ATG7: variants seen among roughly 807,000 people sequenced by gnomAD.
ATG7 encodes ubiquitin-like modifier-activating enzyme ATG7.
ATG7 carries 70 observed loss-of-function variants against 82.4 expected under a neutral mutation model. The ratio of observed to expected loss-of-function variants is 0.85; its 90% CI spans 0.70 to 1.04. The LOEUF is 1.04. Among genes scored for constraint, ATG7 ranks in the 50% least tolerant of loss-of-function variants. The pLI is 0.00. For synonymous variants in ATG7, 287 were observed against 313.0 expected (o/e 0.92, Z 0.88); for missense variants, 792 against 864.3 (o/e 0.92, Z 1.05).
chr3:11,527,069 G>A (rs199650130), intron 20 of ATG7, among the ~76,000 whole-genome samples: 3,760 of 118,000 alleles, frequency 0.032, 66 homozygotes, highest in Middle Eastern at 0.083. Flanking sequence ...GTGTGTGTGT[G>A]TGTATATATA....
chr3:11,545,005 G>A (rs2071153433), intron 20 of ATG7, among the ~76,000 whole-genome samples: 2 of 152,212 alleles, frequency 1.3e-5, no homozygotes, highest in Admixed American at 6.5e-5. Flanking sequence ...GGCCAGCAGG[G>A]AAGTCGCTGC....
At chr3:11,406,428 A>G (rs2080345508) in intron 19 of ATG7, among the ~76,000 whole-genome samples, 1 of 151,866 alleles carries the variant, frequency 6.6e-6, no homozygotes, top group African/African-American at 2.4e-5. Flanking sequence ...TCAGTCCCCC[A>G]CCAAGTTACT....
intron 3 of ATG7, among the ~76,000 whole-genome samples, chr3:11,295,067 G>A (rs1198475982): frequency 2.6e-5 from 4 of 152,184 alleles, no homozygotes; most frequent in African/African-American, 9.6e-5. Flanking sequence ...AGCCGAGACT[G>A]TGGCACTGCA....
At chr3:11,344,607 C>T (rs187457310) in intron 13 of ATG7, among the ~76,000 whole-genome samples, 2 of 152,154 alleles carry the variant, frequency 1.3e-5, no homozygotes, top group Non-Finnish European at 2.9e-5. Context: ...TGGCTCACAC[C>T]TGCAATCCCA....
At chr3:11,358,009 A>G (rs1374018382) in intron 14 of ATG7, among the ~76,000 whole-genome samples, 1 of 140,050 alleles carries the variant, frequency 7.1e-6, no homozygotes, top group Non-Finnish European at 1.6e-5. Flanking sequence ...ACCTTGTCTC[A>G]AAAAAAAAAA....
At position 11,281,028 on chromosome 3, in the gene ATG7, G is replaced by C. The variant is rs753200939; in HGVS notation, c.-331G>C. 1 of 152,184 alleles carries C rather than the reference G, an allele frequency of 6.6e-6. No homozygotes were observed. The highest frequency in any genetic ancestry group is 2.1e-4 in the South Asian group (1 of 4,836). 9.4% of individuals were successfully genotyped at this position (152,184 alleles called of 1,614,324 possible). ...CCTGTATCTTCACCTTGTCTACCGG[G>C]ATTTCTAGAGCAGCCTTGTGAGAGA... On this transcript the variant is annotated 5_prime_UTR_variant, in exon 2 of 21. Transcript: ENST00000693202.
chr3:11,390,749 TAAA>T (rs2078733460), intron 19 of ATG7, among the ~76,000 whole-genome samples: 2 of 64,950 alleles, frequency 3.1e-5, no homozygotes, highest in African/African-American at 6.6e-5. Flanking sequence ...AGGAAATTTT[TAAA>T]AAACTGCAAG....
intron 20 of ATG7, among the ~76,000 whole-genome samples, chr3:11,458,014 T>G (rs924936084): frequency 6.6e-6 from 1 of 152,204 alleles, no homozygotes; most frequent in African/African-American, 2.4e-5. Flanking sequence ...GTGAATGAGC[T>G]CACCTCAGAT....
At chr3:11,347,849 C>G (rs1285132610) in intron 13 of ATG7, 28 bp from the exon 14 acceptor site, 10 of 1,600,542 alleles carry the variant, frequency 6.2e-6, no homozygotes, top group African/African-American at 1.3e-5. Flanking sequence ...TCATCAGAAA[C>G]ACACCATGAT....
rs115266460 is a variant in ATG7 at position 11,459,027 on chromosome 3, C to G, written c.2079+32101C>G. On this transcript the variant is annotated intron_variant, in intron 20 of 20. Transcript: ENST00000693202. ...AGGACAGTTTCATTCATCACCCCCC[C>G]ATCTATGGAAAAATTGTCTTCCTCA... 8.0e-3 allele frequency among the ~76,000 whole-genome samples: 1,221 copies of G among 152,220 alleles called. 8 individuals carry two copies. Among genetic ancestry groups the G allele is most frequent in the African/African-American group, 0.027 (1,104 of 41,510 alleles).
chr3:11,376,638 T>TAA (rs200102879), intron 18 of ATG7, among the ~76,000 whole-genome samples: 5 of 151,430 alleles, frequency 3.3e-5, no homozygotes, highest in African/African-American at 1.2e-4. Flanking sequence ...ACAGAGTCTG[T>TAA]AAAAAAAAAT....
At chr3:11,439,846 G>A (rs73137563) in intron 20 of ATG7, among the ~76,000 whole-genome samples, 3,972 of 152,286 alleles carry the variant, frequency 0.026, 189 homozygotes, top group African/African-American at 0.091. Flanking sequence ...TGTTAATTGC[G>A]TTATCTGTGA....
intron 3 of ATG7, among the ~76,000 whole-genome samples, chr3:11,289,921 TA>T (rs758024762): frequency 1.3e-5 from 2 of 152,150 alleles, no homozygotes; most frequent in Non-Finnish European, 2.9e-5. Flanking sequence ...AGGGAAGGAA[TA>T]AGGGCAATAC....
chr3:11,552,039 A>G (rs1434660052), intron 20 of ATG7, among the ~76,000 whole-genome samples: 3 of 152,192 alleles, frequency 2.0e-5, no homozygotes, highest in Non-Finnish European at 4.4e-5. Flanking sequence ...GTGCGCCACC[A>G]CGCCCGGCCT....
chr3:11,568,771 C>T, the ATG7 span: 42 of 1,493,140 alleles, frequency 2.8e-5, no homozygotes, highest in African/African-American at 4.2e-5. This position sits in a 1 kb window ranked among gnomAD's most constrained non-coding sequence, Gnocchi z 5.9. Context: ...AAGTCGCCTC[C>T]GCTCCTGGTC....
intron 18 of ATG7, among the ~76,000 whole-genome samples, chr3:11,375,448 A>G (rs1677736247): frequency 6.6e-6 from 1 of 152,258 alleles, no homozygotes. Context: ...TCACAACCAT[A>G]GTTAGATACC....
At chr3:11,406,930 T>C (rs2080398753) in intron 19 of ATG7, among the ~76,000 whole-genome samples, 1 of 152,132 alleles carries the variant, frequency 6.6e-6, no homozygotes, top group African/African-American at 2.4e-5. Context: ...AACCATATCA[T>C]TCTGGCCCCG....
chr3:11,425,073 C>T (rs1184781855), intron 19 of ATG7, among the ~76,000 whole-genome samples: 1 of 152,096 alleles, frequency 6.6e-6, no homozygotes, highest in South Asian at 2.1e-4. Flanking sequence ...GGTGATCCTC[C>T]CACTTTAGCT....
At chr3:11,527,039 ATATGTGTG>A (rs1488706318) in intron 20 of ATG7, among the ~76,000 whole-genome samples, 28 of 111,910 alleles carry the variant, frequency 2.5e-4, no homozygotes, top group Non-Finnish European at 4.5e-4. Context: ...GTGTGTGTAT[ATATGTGTG>A]TGTGTGTGTG....
Sources: gnomAD v4.1 joint callset for allele counts (sites outside exome capture counted in the v4.1 genomes callset) on GRCh38, gnomAD v4.1.1 for gene constraint, Gnocchi (gnomAD v3.1) non-coding constraint, MANE v1.5 for transcripts, NCBI Gene and HGNC (gene_info 2026-07-23, HGNC 2026-07-21) for gene names.